The following COL11A1 variants were observed in gnomAD, a reference collection of about 807,000 sequenced individuals.
COL11A1 encodes the protein collagen alpha-1(XI) chain.
COL11A1 carries 74 observed loss-of-function variants against 265.2 expected under a neutral mutation model. The ratio of observed to expected loss-of-function variants is 0.28; its 90% CI spans 0.23 to 0.34. The LOEUF (loss-of-function observed/expected upper bound fraction) is 0.34. COL11A1 is among the 10% of genes least tolerant of loss of function. The pLI, the probability that COL11A1 is intolerant of heterozygous loss-of-function variation, is 1.00. For synonymous variants in COL11A1, 816 were observed against 727.6 expected (o/e 1.12, Z -1.96); for missense variants, 2,165 against 2,263.6 (o/e 0.96, Z 0.88).
intron 22 of COL11A1, 30 bp from the exon 23 acceptor site, chr1:103,002,511 A>T: frequency 6.4e-7 from 1 of 1,554,476 alleles, no homozygotes; most frequent in East Asian, 2.3e-5. Context: ...AAAGTTTTTA[A>T]TGGGCTATAT....
chr1:102,885,589 A>C (rs1650865380), intron 63 of COL11A1, among the ~76,000 whole-genome samples: 1 of 152,126 alleles, frequency 6.6e-6, no homozygotes, highest in Admixed American at 6.6e-5. Flanking sequence ...TACCATTAAT[A>C]TAATCATGTC....
chr1:102,911,060 T>C (rs1308889612), intron 54 of COL11A1, among the ~76,000 whole-genome samples: 1 of 152,132 alleles, frequency 6.6e-6, no homozygotes, highest in Admixed American at 6.6e-5. Context: ...CATGTACACT[T>C]TCCAATTACT....
At chr1:103,010,595 A>T (rs1391062017) in intron 14 of COL11A1, among the ~76,000 whole-genome samples, 1 of 152,086 alleles carries the variant, frequency 6.6e-6, no homozygotes, top group African/African-American at 2.4e-5. Context: ...GTTTCTGCTC[A>T]TTGCTGCCGT....
At chr1:103,064,068 A>T (rs940910887) in intron 4 of COL11A1, among the ~76,000 whole-genome samples, 1 of 151,894 alleles carries the variant, frequency 6.6e-6, no homozygotes, top group East Asian at 1.9e-4. Flanking sequence ...GATGACAAAA[A>T]CTCCTGGAAA....
intron 11 of COL11A1, 55 bp from the exon 12 acceptor site, chr1:103,015,797 A>C: frequency 8.1e-7 from 1 of 1,227,668 alleles, no homozygotes; most frequent in Middle Eastern, 2.3e-4. Flanking sequence ...AATATTTACT[A>C]GAACTAGAAT....
chr1:102,967,239 T>TTTTTTA (rs1306616868), intron 37 of COL11A1, among the ~76,000 whole-genome samples: 1 of 102,180 alleles, frequency 9.8e-6, no homozygotes, highest in African/African-American at 3.7e-5. Flanking sequence ...TTTTTTTTTT[T>TTTTTTA]TTTTTTTTTT....
intron 9 of COL11A1, among the ~76,000 whole-genome samples, chr1:103,019,777 C>T (rs1054520401): frequency 2.2e-5 from 3 of 137,996 alleles, no homozygotes; most frequent in African/African-American, 8.2e-5. Flanking sequence ...TGTGATGTTC[C>T]CCTTCCTGTG....
intron 29 of COL11A1, among the ~76,000 whole-genome samples, chr1:102,988,502 T>C (rs534959975): frequency 5.7e-4 from 87 of 152,270 alleles, no homozygotes; most frequent in African/African-American, 1.9e-3. Context: ...ATCAGGCAGT[T>C]ACAAAAATAT....
intron 37 of COL11A1, among the ~76,000 whole-genome samples, chr1:102,967,243 T>TTTTA (rs1268451330): frequency 2.2e-4 from 24 of 107,670 alleles, no homozygotes; most frequent in South Asian, 4.1e-4. Context: ...TTTTTTTTTT[T>TTTTA]TTTTTTTTTT....
At chr1:103,008,625 C>T in intron 14 of COL11A1, 109 bp from the exon 15 acceptor site, 1 of 953,842 alleles carries the variant, frequency 1.0e-6, no homozygotes, top group South Asian at 1.3e-5. Flanking sequence ...TATATTTAAT[C>T]ATATTAGCAT....
chr1:103,038,165 C>T (rs769037272), intron 4 of COL11A1, among the ~76,000 whole-genome samples: 37 of 152,040 alleles, frequency 2.4e-4, no homozygotes, highest in Non-Finnish European at 3.4e-4. Flanking sequence ...AACTGTATGA[C>T]GAATTCAGAG....
intron 1 of COL11A1, among the ~76,000 whole-genome samples, chr1:103,090,871 A>G (rs531662583): frequency 3.0e-4 from 45 of 152,240 alleles, no homozygotes; most frequent in Non-Finnish European, 5.9e-4. Context: ...GTAGAATACT[A>G]AACAGTTTTG....
At chr1:102,962,866 A>C in intron 38 of COL11A1, 106 bp from the exon 39 acceptor site, 1 of 993,004 alleles carries the variant, frequency 1.0e-6, no homozygotes, top group Non-Finnish European at 1.6e-6. Context: ...TATCATCCTC[A>C]CTTATTCTCA....
At chr1:102,927,959 G>C (rs1029894136) in intron 46 of COL11A1, among the ~76,000 whole-genome samples, 1 of 152,150 alleles carries the variant, frequency 6.6e-6, no homozygotes, top group East Asian at 1.9e-4. Context: ...GTCATAGGTC[G>C]AGTTTCTCCG....
intron 1 of COL11A1, among the ~76,000 whole-genome samples, chr1:103,103,474 A>G (rs544756521): frequency 2.0e-4 from 30 of 152,128 alleles, no homozygotes; most frequent in African/African-American, 7.2e-4. Flanking sequence ...ATAAAATGAC[A>G]TAATTAAGAA....
At chr1:102,928,552 A>C (rs1169924786) in intron 46 of COL11A1, among the ~76,000 whole-genome samples, 1 of 152,176 alleles carries the variant, frequency 6.6e-6, no homozygotes, top group Non-Finnish European at 1.5e-5. Flanking sequence ...ATAGTGCTAC[A>C]ATAAACATAC....
Position 103,108,436 on chromosome 1 carries a change from G to T in COL11A1, c.-258C>A, listed in dbSNP as rs886044984. The T allele has an allele frequency of 2.2e-5, 13 of 602,172 alleles. No homozygotes were observed. Among genetic ancestry groups the T allele is most frequent in the Non-Finnish European group, 3.5e-5 (12 of 339,396 alleles). 37.3% of individuals were successfully genotyped at this position (602,172 alleles called of 1,614,324 possible). ...GACCCTCTGATCCTTCCTCTGCCGGGCCCTGCCTTCAGAATGAAGGCAGAT... is the reference window on the plus strand; with the variant it reads ...GACCCTCTGATCCTTCCTCTGCCGGTCCCTGCCTTCAGAATGAAGGCAGAT... On this transcript the variant is annotated 5_prime_UTR_variant, in exon 1 of 67. Transcript: ENST00000370096.
intron 43 of COL11A1, 146 bp from the exon 44 acceptor site, chr1:102,939,234 C>A: frequency 1.3e-6 from 1 of 743,744 alleles, no homozygotes; most frequent in South Asian, 1.5e-5. Context: ...CTTGGGTTCC[C>A]ACTGCTTCTA....
intron 41 of COL11A1, among the ~76,000 whole-genome samples, chr1:102,948,178 T>G (rs997705289): frequency 2.0e-5 from 3 of 152,096 alleles, no homozygotes; most frequent in African/African-American, 7.2e-5. Flanking sequence ...AAATGGTAAC[T>G]ATACCAACAA....
Sources: allele counts gnomAD v4.1 joint callset (sites outside exome capture counted in the v4.1 genomes callset), GRCh38; gene constraint gnomAD v4.1.1; transcripts MANE v1.5; gene names NCBI Gene and HGNC (gene_info 2026-07-23, HGNC 2026-07-21).